The following NHS variants were observed in gnomAD, a reference collection of about 807,000 sequenced individuals.
NHS encodes actin remodeling regulator NHS.
A neutral mutation model predicts 72.5 loss-of-function variants in NHS; 5 were observed. The ratio of observed to expected loss-of-function variants is 0.07; its 90% CI spans 0.04 to 0.14. NHS has a LOEUF of 0.14. Ranked by LOEUF, NHS falls within the 10% of genes least tolerant of loss-of-function variation. The pLI, the probability that NHS is intolerant of heterozygous loss-of-function variation, is 1.00. For synonymous variants in NHS, 464 were observed against 547.7 expected (o/e 0.85, Z 2.13); for missense variants, 1,072 against 1,355.7 (o/e 0.79, Z 3.29).
At chrX:17,379,748 G>A (rs759417949) in intron 1 of NHS, among the ~76,000 whole-genome samples, 4 of 112,149 alleles carry the variant, frequency 3.6e-5, no homozygotes, top group African/African-American at 1.3e-4. Context: ...GCACTCCAGC[G>A]TGGGCAACAA....
chrX:17,720,399 T>C (rs1281528067), intron 4 of NHS, among the ~76,000 whole-genome samples: 1 of 112,381 alleles, frequency 8.9e-6, no homozygotes. Context: ...GGGCAGAATA[T>C]TATTAAAGTC....
chrX:17,630,312 A>T (rs182641889), intron 1 of NHS, among the ~76,000 whole-genome samples: 106 of 105,966 alleles, frequency 1.0e-3, no homozygotes, highest in African/African-American at 3.6e-3. Context: ...CATATCCAAG[A>T]CCCTTATGTA....
chrX:17,639,612 A>C (rs1259010492), intron 1 of NHS, among the ~76,000 whole-genome samples: 1 of 111,691 alleles, frequency 9.0e-6, no homozygotes, highest in East Asian at 2.8e-4. Flanking sequence ...TTAACCCATT[A>C]ATCTATTAAT....
chrX:17,707,619 T>A (rs993110242), intron 3 of NHS, among the ~76,000 whole-genome samples: 1 of 111,565 alleles, frequency 9.0e-6, no homozygotes, highest in Non-Finnish European at 1.9e-5. Context: ...TCTCCCATTT[T>A]CTATCAGGAA....
intron 1 of NHS, among the ~76,000 whole-genome samples, chrX:17,650,323 AG>A (rs1395160765): frequency 8.9e-6 from 1 of 112,733 alleles, no homozygotes; most frequent in Non-Finnish European, 1.9e-5. Flanking sequence ...TCATTTTAGA[AG>A]GTATTTTTGG....
At chrX:17,609,049 C>A (rs1289152079) in intron 1 of NHS, among the ~76,000 whole-genome samples, 1 of 111,643 alleles carries the variant, frequency 9.0e-6, no homozygotes, top group African/African-American at 3.3e-5. Context: ...GTGCTCAGAC[C>A]ATACAGTTGT....
intron 1 of NHS, among the ~76,000 whole-genome samples, chrX:17,474,885 C>T (rs1162956840): frequency 1.8e-5 from 2 of 111,256 alleles, no homozygotes; most frequent in Non-Finnish European, 3.8e-5. Context: ...CATAAGCCCC[C>T]AGCCAGACCC....
chrX:17,732,175 C>T lies in NHS; in HGVS notation c.4667C>T (p.Ser1556Phe), dbSNP rs2066492019. 1 of 1,211,994 alleles carries T rather than the reference C, an allele frequency of 8.3e-7. No homozygotes were observed. ...PKPPGELTAE[S>F]PQSTDDAHQG... ...CCTCCTGGGGAGCTCACAGCAGAGT[C>T]CCCTCAGAGCACCGATGATGCCCAT... Residue 1556 changes from serine (S) to phenylalanine (F), a missense_variant, in exon 9 of 9, where the codon TCC (serine) becomes TTC (phenylalanine). Transcript: ENST00000676302.
chrX:17,605,008 G>C (rs1479234606), intron 1 of NHS, among the ~76,000 whole-genome samples: 1 of 111,717 alleles, frequency 9.0e-6, no homozygotes, highest in Non-Finnish European at 1.9e-5. Flanking sequence ...GAAAGATGAA[G>C]GCATGTCTGT....
intron 1 of NHS, among the ~76,000 whole-genome samples, chrX:17,406,972 A>T (rs966157254): frequency 1.8e-5 from 2 of 111,788 alleles, no homozygotes; most frequent in African/African-American, 6.5e-5. Flanking sequence ...TCAAAATCCT[A>T]ACAGCAGAAA....
intron 1 of NHS, among the ~76,000 whole-genome samples, chrX:17,572,965 TG>T (rs1251708715): frequency 1.8e-5 from 2 of 112,112 alleles, no homozygotes; most frequent in Admixed American, 1.9e-4. Context: ...TATGAAATTC[TG>T]GGTTGAAAAT....
At chrX:17,547,216 C>T (rs1320232469) in intron 1 of NHS, among the ~76,000 whole-genome samples, 1 of 112,529 alleles carries the variant, frequency 8.9e-6, no homozygotes, top group Non-Finnish European at 1.9e-5. Context: ...CCTCATTTGA[C>T]ATTAATTGAG....
intron 1 of NHS, among the ~76,000 whole-genome samples, chrX:17,469,450 C>T (rs2064882899): frequency 9.0e-6 from 1 of 111,624 alleles, no homozygotes; most frequent in Admixed American, 9.5e-5. Flanking sequence ...GGAGGCCCCA[C>T]AGAACATGTA....
intron 8 of NHS, among the ~76,000 whole-genome samples, chrX:17,729,515 T>C (rs2066473320): frequency 8.9e-6 from 1 of 112,283 alleles, no homozygotes; most frequent in Non-Finnish European, 1.9e-5. Flanking sequence ...TTAATAGTAC[T>C]GGCCTTCATC....
rs1003447925 is a variant in NHS at position 17,665,574 on chromosome X, G to A, written c.566-22168G>A. On this transcript the variant is annotated intron_variant, in intron 1 of 8. Transcript: ENST00000676302. Reference sequence around the variant, plus strand: ...GATCTCCTGACCTCGTGATCCACCCGCCTCGGCCTCCCAAAGTGCTGGGAT... The same window carrying A: ...GATCTCCTGACCTCGTGATCCACCCACCTCGGCCTCCCAAAGTGCTGGGAT... 2.1e-4 allele frequency among the ~76,000 whole-genome samples: 23 copies of A among 110,157 alleles called. 1 individual carries two copies. The highest frequency in any genetic ancestry group is 7.6e-4 in the African/African-American group (23 of 30,216).
At chrX:17,528,149 T>C in intron 1 of NHS, among the ~76,000 whole-genome samples, 1 of 111,686 alleles carries the variant, frequency 9.0e-6, no homozygotes, top group Non-Finnish European at 1.9e-5. Context: ...TCTGGAGACA[T>C]TTTTGGTTGC....
intron 1 of NHS, among the ~76,000 whole-genome samples, chrX:17,615,258 A>G (rs2065739016): frequency 1.0e-5 from 1 of 97,558 alleles, no homozygotes; most frequent in African/African-American, 4.2e-5. Context: ...ACACATATAT[A>G]CACATATATA....
rs181163123 is a variant in NHS, at chrX:17,595,846, C to G, written c.566-91896C>G. 2.4e-3 allele frequency among the ~76,000 whole-genome samples: 266 copies of G among 112,165 alleles called. 3 individuals are homozygous for G. Among genetic ancestry groups the G allele is most frequent in the African/African-American group, 8.1e-3 (251 of 30,884 alleles). On this transcript the variant is annotated intron_variant, in intron 1 of 8. Coordinates refer to ENST00000676302, the MANE Select transcript of NHS (RefSeq NM_001291867.2). Reference sequence around the variant, plus strand: ...AGCTATGCCAGTGGGTAAATATTTACTTATCATCTATTCCAAGGAGTGAAT... The same window carrying G: ...AGCTATGCCAGTGGGTAAATATTTAGTTATCATCTATTCCAAGGAGTGAAT...
chrX:17,673,237 C>CACAA (rs796409129), intron 1 of NHS, among the ~76,000 whole-genome samples: 1 of 95,006 alleles, frequency 1.1e-5, no homozygotes, highest in Non-Finnish European at 2.1e-5. Context: ...CACACACACA[C>CACAA]AAGAAAGCTC....
Sources: allele counts gnomAD v4.1 joint callset (sites outside exome capture counted in the v4.1 genomes callset), GRCh38; gene constraint gnomAD v4.1.1; transcripts MANE v1.5; gene names NCBI Gene and HGNC (gene_info 2026-07-23, HGNC 2026-07-21).